CCDC181: variants seen among roughly 807,000 people sequenced by gnomAD.
The protein encoded by CCDC181 is coiled-coil domain-containing protein 181.
CCDC181 carries 35 observed loss-of-function variants against 58.7 expected under a neutral mutation model. The ratio of observed to expected loss-of-function variants is 0.60; its 90% confidence interval spans 0.46 to 0.79. The LOEUF is 0.79. Among genes scored for constraint, CCDC181 ranks in the 30% least tolerant of loss-of-function variants. The pLI is 0.00. For synonymous variants in CCDC181, 183 were observed against 197.5 expected (o/e 0.93, Z 0.62); for missense variants, 517 against 583.9 (o/e 0.89, Z 1.18).
chr1:169,411,664 G>A (rs1214324124), intron 4 of CCDC181, among the ~76,000 whole-genome samples: 2 of 152,084 alleles, frequency 1.3e-5, no homozygotes, highest in Non-Finnish European at 2.9e-5. Flanking sequence ...AAATCCAGCA[G>A]CACATGAAAA....
At chr1:169,451,553 T>A (rs1202379844) in intron 2 of CCDC181, among the ~76,000 whole-genome samples, 1 of 152,108 alleles carries the variant, frequency 6.6e-6, no homozygotes, top group African/African-American at 2.4e-5. Context: ...CAAACTGTTA[T>A]AATGATTGCC....
intron 4 of CCDC181, among the ~76,000 whole-genome samples, chr1:169,399,851 C>T (rs1034507296): frequency 1.3e-5 from 2 of 152,116 alleles, no homozygotes; most frequent in African/African-American, 2.4e-5. Context: ...TTCCAGACAA[C>T]GGTATAGGAA....
At position 169,403,861 on chromosome 1, in the gene CCDC181, A is replaced by G. The variant is rs1003902938; in HGVS notation, c.1216-6470T>C. Among the ~76,000 whole-genome samples the G allele has an allele frequency of 2.0e-5, 3 of 152,214 alleles. No individual in the cohort carries two copies. The South Asian group carries it at 6.2e-4, about 32-fold the overall frequency. ...CAAAAGAAACCCTTCAAAAAAATCA[A>G]TGAATCCAGGAGCTGGTTTTTTGAA... is the stretch of plus-strand genomic sequence containing the variant. On this transcript the variant is annotated intron_variant, in intron 4 of 5. Coordinates refer to ENST00000367806, the MANE Select transcript of CCDC181 (RefSeq NM_001300969.2).
intron 2 of CCDC181, among the ~76,000 whole-genome samples, chr1:169,437,293 A>G (rs1270806002): frequency 1.3e-5 from 2 of 152,188 alleles, no homozygotes; most frequent in Non-Finnish European, 2.9e-5. Context: ...AGGGCAGTGT[A>G]TCCTTAAATA....
chr1:169,439,176 A>G (rs1657138936), intron 2 of CCDC181, among the ~76,000 whole-genome samples: 2 of 151,976 alleles, frequency 1.3e-5, no homozygotes, highest in African/African-American at 4.8e-5. Context: ...CATTGGGGCT[A>G]TGGACAGACA....
chr1:169,428,527 T>G (rs1656808506), upstream of CCDC181, among the ~76,000 whole-genome samples: 1 of 152,204 alleles, frequency 6.6e-6, no homozygotes, highest in Non-Finnish European at 1.5e-5. Flanking sequence ...TATCAGGTTT[T>G]GGGGGAACAG....
chr1:169,407,523 T>TA (rs1655731639), intron 4 of CCDC181, among the ~76,000 whole-genome samples: 1 of 152,174 alleles, frequency 6.6e-6, no homozygotes, highest in Non-Finnish European at 1.5e-5. Flanking sequence ...GTTTTTTAAA[T>TA]ACTTGATTAT....
intron 4 of CCDC181, among the ~76,000 whole-genome samples, chr1:169,407,431 T>G (rs1216324308): frequency 6.6e-6 from 1 of 152,134 alleles, no homozygotes; most frequent in South Asian, 2.1e-4. Context: ...ACATTCAGTA[T>G]ATATGTATAT....
intron 3 of CCDC181, among the ~76,000 whole-genome samples, chr1:169,419,808 G>A (rs1347107066): frequency 6.6e-6 from 1 of 152,158 alleles, no homozygotes; most frequent in African/African-American, 2.4e-5. Context: ...ATCAGCCAAA[G>A]CACTGATAAC....
chr1:169,436,201 A>C (rs1657049971), intron 2 of CCDC181, among the ~76,000 whole-genome samples: 1 of 152,198 alleles, frequency 6.6e-6, no homozygotes, highest in South Asian at 2.1e-4. Context: ...GTGTTGTTAA[A>C]AGTAGGTACT....
chr1:169,447,500 T>C (rs188312191), intron 2 of CCDC181, among the ~76,000 whole-genome samples: 6 of 152,292 alleles, frequency 3.9e-5, no homozygotes, highest in African/African-American at 1.4e-4. Flanking sequence ...TATTCTGCCA[T>C]TGTGGAAGTA....
rs193082314 is a variant in CCDC181 at position 169,453,651 on chromosome 1, G to A, written c.-24+6146C>T. 3.6e-3 allele frequency among the ~76,000 whole-genome samples: 539 copies of A among 150,868 alleles called. 4 individuals are homozygous for A. The highest frequency in any genetic ancestry group is 0.012 in the African/African-American group (501 of 41,082). ...CAAGTTCACTTTTATTTTCGTTTTT[G>A]CTCTTTGCTCTCATCCTTCCTCAAC... On this transcript the variant is annotated intron_variant, in intron 2 of 6. Coordinates refer to the CCDC181 transcript ENST00000545005.
intron 5 of CCDC181, among the ~76,000 whole-genome samples, chr1:169,396,925 C>T (rs1276145521): frequency 6.6e-6 from 1 of 152,026 alleles, no homozygotes; most frequent in Non-Finnish European, 1.5e-5. Context: ...CCATTTCTCA[C>T]AGAAATAAGT....
intron 4 of CCDC181, among the ~76,000 whole-genome samples, chr1:169,402,632 G>C (rs1397184579): frequency 6.6e-6 from 1 of 152,104 alleles, no homozygotes; most frequent in South Asian, 2.1e-4. Flanking sequence ...CACCAGGCCT[G>C]CCCTAAAAGA....
At chr1:169,445,740 A>G (rs1657355294) in intron 2 of CCDC181, among the ~76,000 whole-genome samples, 1 of 152,164 alleles carries the variant, frequency 6.6e-6, no homozygotes, top group Non-Finnish European at 1.5e-5. Flanking sequence ...GGTACATTTC[A>G]CCAGTGAAAC....
intron 2 of CCDC181, among the ~76,000 whole-genome samples, chr1:169,441,579 T>C (rs1657229625): frequency 6.6e-6 from 1 of 152,046 alleles, no homozygotes; most frequent in African/African-American, 2.4e-5. Context: ...GTGGGTACCC[T>C]CTGGCTATCG....
intron 2 of CCDC181, among the ~76,000 whole-genome samples, chr1:169,436,534 A>G (rs1429039274): frequency 6.6e-6 from 1 of 152,198 alleles, no homozygotes; most frequent in Non-Finnish European, 1.5e-5. Context: ...ACAGACTGAC[A>G]TGCAGAAAAC....
chr1:169,406,175 AG>A (rs1320486859), intron 4 of CCDC181, among the ~76,000 whole-genome samples: 1 of 152,218 alleles, frequency 6.6e-6, no homozygotes, highest in African/African-American at 2.4e-5. Context: ...GTGGAGAAAT[AG>A]GAACTCTTTT....
rs567368510 is a variant in CCDC181, at chr1:169,434,508, A to G, written c.-23-9558T>C. Among the ~76,000 whole-genome samples, 242 of 152,204 alleles carry G rather than the reference A, an allele frequency of 1.6e-3. 1 individual carries two copies. Among genetic ancestry groups the G allele is most frequent in the Admixed American group, 3.1e-3 (48 of 15,284 alleles). ...TCATGTTCATAGAAGCATTCTTCAC[A>G]ATTGCTAAAATGTTGAAGCAACCCA... is the stretch of plus-strand genomic sequence containing the variant. On this transcript the variant is annotated intron_variant, in intron 2 of 6. Coordinates refer to the CCDC181 transcript ENST00000545005.
Sources: gnomAD v4.1 joint callset for allele counts (sites outside exome capture counted in the v4.1 genomes callset) on GRCh38, gnomAD v4.1.1 for gene constraint, MANE v1.5 for transcripts, NCBI Gene and HGNC (gene_info 2026-07-23, HGNC 2026-07-21) for gene names.